GUCY1A2: variants seen among roughly 807,000 people sequenced by gnomAD.
GUCY1A2 encodes the protein guanylate cyclase soluble subunit alpha-2.
In GUCY1A2, 27 loss-of-function variants were observed where a neutral mutation model predicts 63.5. The ratio of observed to expected loss-of-function variants is 0.43; its 90% CI spans 0.31 to 0.59. The LOEUF is 0.59. Ranked by LOEUF, GUCY1A2 falls within the 20% of genes least tolerant of loss-of-function variation. The pLI is 0.11. For missense variants in GUCY1A2, 768 were observed against 913.3 expected (o/e 0.84, Z 2.05); for synonymous variants, 364 against 343.5 (o/e 1.06, Z -0.66).
intron 4 of GUCY1A2, among the ~76,000 whole-genome samples, chr11:106,888,120 T>C (rs899000741): frequency 4.6e-5 from 7 of 152,086 alleles, no homozygotes; most frequent in African/African-American, 1.7e-4. Context: ...GATGATTCTC[T>C]GGGTAACTTG....
intron 3 of GUCY1A2, among the ~76,000 whole-genome samples, chr11:106,944,129 C>T (rs1423495357): frequency 6.8e-6 from 1 of 146,280 alleles, no homozygotes; most frequent in Admixed American, 7.0e-5. Context: ...GTGGGAGAAT[C>T]ACTGGAGCCC....
intron 4 of GUCY1A2, among the ~76,000 whole-genome samples, chr11:106,899,215 C>T (rs1860092305): frequency 6.6e-6 from 1 of 151,744 alleles, no homozygotes; most frequent in Non-Finnish European, 1.5e-5. Context: ...AGGAAACAAC[C>T]AAACAAAAAA....
chr11:106,849,912 C>T (rs1415512144), intron 4 of GUCY1A2, among the ~76,000 whole-genome samples: 1 of 151,540 alleles, frequency 6.6e-6, no homozygotes, highest in African/African-American at 2.4e-5. Context: ...TAGAATTAAC[C>T]CATTCAAAGT....
chr11:106,821,455 G>C (rs1858902048), intron 4 of GUCY1A2, among the ~76,000 whole-genome samples: 1 of 152,104 alleles, frequency 6.6e-6, no homozygotes, highest in African/African-American at 2.4e-5. Flanking sequence ...CCAACAGTTA[G>C]CCTGAACCCC....
intron 4 of GUCY1A2, chr11:106,827,953 G>C: frequency 2.0e-6 from 2 of 1,022,804 alleles, no homozygotes; most frequent in South Asian, 1.3e-5. Context: ...TGGACTCCAG[G>C]AGAGGAAGCA....
rs769445928 is a variant in GUCY1A2, at chr11:106,683,930, G to T, written c.*3619C>A. On this transcript the variant is annotated 3_prime_UTR_variant, in exon 8 of 8. Transcript: ENST00000526355. ...AACACAGAGCCTGGTGGGGTTTTCAGAATTCTCCATGGCTTTGCCTTTTGT... is the reference window on the plus strand; with the variant it reads ...AACACAGAGCCTGGTGGGGTTTTCATAATTCTCCATGGCTTTGCCTTTTGT... The T allele has an allele frequency of 4.9e-6, 1 of 202,532 alleles. No homozygotes were observed. Among genetic ancestry groups the T allele is most frequent in the Non-Finnish European group, 1.0e-5 (1 of 98,392 alleles). The allele number at this position is 202,532 out of a possible 1,614,324, so 12.5% of individuals were successfully genotyped here.
At chr11:106,747,182 G>A (rs1382801336) in intron 6 of GUCY1A2, among the ~76,000 whole-genome samples, 2 of 152,106 alleles carry the variant, frequency 1.3e-5, no homozygotes, top group African/African-American at 4.8e-5. Flanking sequence ...TAGAGATGGA[G>A]TTTCACCGTG....
chr11:106,878,782 T>TAAAAAAAAA (rs372754272), intron 4 of GUCY1A2, among the ~76,000 whole-genome samples: 2 of 137,998 alleles, frequency 1.4e-5, no homozygotes, highest in African/African-American at 5.3e-5. Flanking sequence ...ACTTAAAAGT[T>TAAAAAAAAA]AAAAAAAAAA....
At chr11:106,904,762 G>C (rs936985176) in intron 4 of GUCY1A2, among the ~76,000 whole-genome samples, 3 of 151,264 alleles carry the variant, frequency 2.0e-5, no homozygotes, top group Non-Finnish European at 4.4e-5. Context: ...CTGAGAGTGA[G>C]AGCTCAAAAA....
intron 4 of GUCY1A2, among the ~76,000 whole-genome samples, chr11:106,899,632 G>A (rs1255728994): frequency 2.0e-5 from 3 of 152,052 alleles, no homozygotes; most frequent in South Asian, 4.1e-4. Flanking sequence ...ATTTATAGTT[G>A]TTCTTTAATT....
chr11:106,780,387 C>T (rs1864436669), intron 5 of GUCY1A2, among the ~76,000 whole-genome samples: 1 of 152,140 alleles, frequency 6.6e-6, no homozygotes, highest in African/African-American at 2.4e-5. Context: ...ATTTAACCTC[C>T]AAATCTTAAT....
At chr11:106,824,485 G>GA (rs1486499030) in intron 4 of GUCY1A2, among the ~76,000 whole-genome samples, 1 of 151,998 alleles carries the variant, frequency 6.6e-6, no homozygotes, top group Non-Finnish European at 1.5e-5. Flanking sequence ...TAATAGTTGA[G>GA]AAGTCTGTTT....
At chr11:106,789,994 A>T (rs1364399030) in intron 5 of GUCY1A2, among the ~76,000 whole-genome samples, 1 of 152,090 alleles carries the variant, frequency 6.6e-6, no homozygotes, top group Admixed American at 6.6e-5. Flanking sequence ...GACCTGCTGT[A>T]ACCACTGCCT....
chr11:106,768,062 C>T (rs1358005107), intron 6 of GUCY1A2, among the ~76,000 whole-genome samples: 1 of 152,118 alleles, frequency 6.6e-6, no homozygotes, highest in Non-Finnish European at 1.5e-5. Flanking sequence ...ATACATCCCC[C>T]ACCCAATCTG....
At chr11:106,952,405 C>A (rs1433400638) in intron 3 of GUCY1A2, among the ~76,000 whole-genome samples, 1 of 152,012 alleles carries the variant, frequency 6.6e-6, no homozygotes, top group Non-Finnish European at 1.5e-5. Context: ...TATGTCTTCT[C>A]TTATTTCCTT....
chr11:106,790,420 G>C (rs910107525), intron 5 of GUCY1A2, among the ~76,000 whole-genome samples: 1 of 152,156 alleles, frequency 6.6e-6, no homozygotes, highest in Non-Finnish European at 1.5e-5. Flanking sequence ...GGCAGGTCCA[G>C]AAATGCTACA....
chr11:106,776,625 G>A, intron 5 of GUCY1A2, 43 bp from the exon 6 acceptor site: 1 of 1,579,234 alleles, frequency 6.3e-7, no homozygotes, highest in Non-Finnish European at 8.6e-7. Context: ...ATGATAATGA[G>A]CCCAAAGAGA....
intron 5 of GUCY1A2, among the ~76,000 whole-genome samples, chr11:106,809,716 G>C (rs1014155518): frequency 2.2e-4 from 33 of 152,064 alleles, no homozygotes; most frequent in Middle Eastern, 3.4e-3. Context: ...AATTCAACAA[G>C]TTTAATTTTT....
chr11:106,680,048 AC>A lies in GUCY1A2; in HGVS notation c.*7500del, dbSNP rs772917214. On this transcript the variant is annotated 3_prime_UTR_variant, in exon 8 of 8. Transcript: ENST00000526355. Reference sequence around the variant, plus strand: ...TTCCATTAAACCAGAGGTGTTTGTTACGGAAATTGCCTCTCCTTTAAGAGTC... The same window carrying A: ...TTCCATTAAACCAGAGGTGTTTGTTAGGAAATTGCCTCTCCTTTAAGAGTC... 9.3e-6 allele frequency: 2 copies of A among 215,426 alleles called. No individual in the cohort carries two copies. Among genetic ancestry groups the A allele is most frequent in the African/African-American group, 2.3e-5 (1 of 44,308 alleles). 13.3% of individuals were successfully genotyped at this position (215,426 alleles called of 1,614,324 possible). A position where few individuals can be genotyped will look rare whatever the true frequency, so the allele number is the denominator to read the frequency against.
Sources: allele counts gnomAD v4.1 joint callset (sites outside exome capture counted in the v4.1 genomes callset), GRCh38; gene constraint gnomAD v4.1.1; transcripts MANE v1.5; gene names NCBI Gene and HGNC (gene_info 2026-07-23, HGNC 2026-07-21).